GALNTL5: variants seen among roughly 807,000 people sequenced by gnomAD.
GALNTL5 encodes inactive polypeptide N-acetylgalactosaminyltransferase-like protein 5.
A neutral mutation model predicts 51.0 loss-of-function variants in GALNTL5; 44 were observed. The ratio of observed to expected loss-of-function variants is 0.86; its 90% CI spans 0.68 to 1.11. GALNTL5 has a LOEUF of 1.11. Ranked by LOEUF, GALNTL5 falls within the 50% of genes least tolerant of loss-of-function variation. GALNTL5 has a pLI of 0.00. For missense variants in GALNTL5, 528 were observed against 531.8 expected, an observed-to-expected ratio of 0.99 and a Z score of 0.07; for synonymous variants, 192 against 182.8, an observed-to-expected ratio of 1.05 and a Z score of -0.41.
At chr7:151,993,545 T>A (rs1235416622) in intron 5 of GALNTL5, among the ~76,000 whole-genome samples, 2 of 152,220 alleles carry the variant, frequency 1.3e-5, no homozygotes, top group African/African-American at 2.4e-5. Context: ...ATTACTAAAC[T>A]GTATTGTGGT....
intron 3 of GALNTL5, among the ~76,000 whole-genome samples, chr7:151,973,956 A>C (rs1016361530): frequency 6.6e-6 from 1 of 152,194 alleles, no homozygotes; most frequent in Non-Finnish European, 1.5e-5. Context: ...GATGGTTTTT[A>C]AAGTGGAAGT....
chr7:152,004,558 A>G (rs1280929715), intron 6 of GALNTL5, among the ~76,000 whole-genome samples: 2 of 152,136 alleles, frequency 1.3e-5, no homozygotes, highest in Admixed American at 1.3e-4. Flanking sequence ...CACCACTCAA[A>G]CAATGTACAC....
chr7:151,986,625 G>A (rs2081362368), intron 4 of GALNTL5, among the ~76,000 whole-genome samples: 1 of 151,982 alleles, frequency 6.6e-6, no homozygotes, highest in Non-Finnish European at 1.5e-5. Flanking sequence ...ACAGAATGAG[G>A]CCCTGTCTCA....
intron 3 of GALNTL5, among the ~76,000 whole-genome samples, chr7:151,973,346 A>T (rs2081170467): frequency 6.6e-6 from 1 of 151,524 alleles, no homozygotes; most frequent in South Asian, 2.1e-4. Flanking sequence ...GTGCCTATAG[A>T]CCCAGCTACT....
rs2080996393 is a variant in GALNTL5 at position 151,961,950 on chromosome 7, T to C, written c.-39-5258T>C. On this transcript the variant is annotated intron_variant, in intron 1 of 8. Coordinates refer to ENST00000392800, the MANE Select transcript of GALNTL5 (RefSeq NM_145292.4). ...GTTCCTGCCCAGCCCCCAGTTCAAC[T>C]CCCTCTTACAATCACTTTTGACTCT... is the stretch of plus-strand genomic sequence containing the variant. Among the ~76,000 whole-genome samples, 3 of 151,066 alleles carry C rather than the reference T, an allele frequency of 2.0e-5. No homozygotes were observed. The Admixed American group carries it at 2.0e-4, about 10-fold the overall frequency.
intron 6 of GALNTL5, among the ~76,000 whole-genome samples, chr7:152,007,585 A>AT (rs1321341854): frequency 3.3e-5 from 5 of 151,342 alleles, no homozygotes; most frequent in African/African-American, 9.7e-5. Flanking sequence ...TGCCTGGCTA[A>AT]TTTTTTGTAT....
At chr7:152,000,641 T>C (rs1457793395) in intron 5 of GALNTL5, among the ~76,000 whole-genome samples, 1 of 152,224 alleles carries the variant, frequency 6.6e-6, no homozygotes, top group Non-Finnish European at 1.5e-5. Context: ...TACCTCACTG[T>C]GATTTTTATT....
chr7:151,982,843 G>A, intron 3 of GALNTL5, 143 bp from the exon 4 acceptor site: 2 of 1,544,410 alleles, frequency 1.3e-6, no homozygotes, highest in Non-Finnish European at 1.7e-6. Context: ...GTTTTTAGAT[G>A]TACTGTCACC....
At chr7:151,993,390 G>A (rs562483025) in intron 5 of GALNTL5, among the ~76,000 whole-genome samples, 1 of 152,136 alleles carries the variant, frequency 6.6e-6, no homozygotes, top group African/African-American at 2.4e-5. Flanking sequence ...GTGGGAACTT[G>A]CAGAGAACTG....
rs1331177293 is a variant in GALNTL5 at position 152,003,130 on chromosome 7, A to T, written c.908+167A>T. Among the ~76,000 whole-genome samples, 3 of 152,220 alleles carry T rather than the reference A, an allele frequency of 2.0e-5. No homozygotes were observed. In the East Asian group the frequency reaches 5.8e-4, roughly 29 times the overall value. On this transcript the variant is annotated intron_variant, in intron 6 of 8. Transcript: ENST00000392800. ...TAATAGAATTATTGTTAATAGAATCACTTAGGACTCAATATATAACGTGAT... is the reference window on the plus strand; with the variant it reads ...TAATAGAATTATTGTTAATAGAATCTCTTAGGACTCAATATATAACGTGAT...
At chr7:151,987,051 AC>A (rs1186162389) in intron 4 of GALNTL5, 107 bp from the exon 5 acceptor site, 2 of 985,068 alleles carry the variant, frequency 2.0e-6, no homozygotes, top group African/African-American at 3.5e-5. Context: ...TAAAGTTAGA[AC>A]TTCTGTGGAA....
chr7:152,002,638 C>A, intron 5 of GALNTL5, 76 bp from the exon 6 acceptor site: 1 of 1,486,196 alleles, frequency 6.7e-7, no homozygotes, highest in Non-Finnish European at 9.2e-7. Flanking sequence ...AAATATTCAT[C>A]ACATTGAACT....
chr7:152,014,970 T>A (rs1474074511), intron 8 of GALNTL5, among the ~76,000 whole-genome samples, 177 bp downstream of exon 8: 1 of 152,188 alleles, frequency 6.6e-6, no homozygotes, highest in Non-Finnish European at 1.5e-5. Flanking sequence ...AAGTGAGAGC[T>A]AAACATTATA....
In GALNTL5 at chr7:151,993,491, C is replaced by A. The variant is rs565081997; in HGVS notation, c.658+6210C>A. Among the ~76,000 whole-genome samples the A allele has an allele frequency of 2.0e-5, 3 of 152,000 alleles. No homozygotes were observed. In the South Asian group the frequency reaches 6.2e-4, roughly 32 times the overall value. On this transcript the variant is annotated intron_variant, in intron 5 of 8. Transcript: ENST00000392800. ...TTTTTAGGAGTGATTTTGAAAGTTTCCAAACGATTTTCAGAGATTTTAAAA... is the reference window on the plus strand; with the variant it reads ...TTTTTAGGAGTGATTTTGAAAGTTTACAAACGATTTTCAGAGATTTTAAAA...
intron 3 of GALNTL5, among the ~76,000 whole-genome samples, chr7:151,972,393 T>G (rs1035454624): frequency 8.5e-5 from 13 of 152,228 alleles, no homozygotes; most frequent in African/African-American, 3.1e-4. Flanking sequence ...AAAACCCATT[T>G]TCTGGGGAGA....
chr7:152,002,605 C>T (rs2081594279), intron 5 of GALNTL5, 109 bp from the exon 6 acceptor site: 1 of 1,198,210 alleles, frequency 8.3e-7, no homozygotes, highest in East Asian at 2.4e-5. Flanking sequence ...CTGTAAGAGC[C>T]AAACACATAG....
At position 151,997,645 on chromosome 7, in the gene GALNTL5, T is replaced by C. The variant is rs139519899; in HGVS notation, c.659-5069T>C. Among the ~76,000 whole-genome samples, 598 of 152,360 alleles carry C rather than the reference T, an allele frequency of 3.9e-3. 2 individuals are homozygous for C. The highest frequency in any genetic ancestry group is 0.014 in the Middle Eastern group (4 of 294). ...TTAAATTATTTTGCAATTTTTAATA[T>C]TGCATTTATGGTCTTTCTGGGTCAT... On this transcript the variant is annotated intron_variant, in intron 5 of 8. Coordinates refer to ENST00000392800, the MANE Select transcript of GALNTL5 (RefSeq NM_145292.4).
rs749454076 is a variant in GALNTL5, at chr7:151,967,454, G to C, written c.208G>C (p.Val70Leu). The change falls in exon 2 of 9, where the codon GTC becomes CTC. Residue 70 changes from valine (V) to leucine (L), a missense_variant. Transcript: ENST00000392800. ...GCAAATACCAAAACCTCATGTAATA[G>C]TCAAAAGGACTGATGAAGATAAAGC... is the stretch of plus-strand genomic sequence containing the variant. ...SEQIPKPHVI[V>L]KRTDEDKAKS... is the part of the protein sequence containing the mutation. 5.6e-6 allele frequency: 9 copies of C among 1,613,950 alleles called. No homozygotes were observed. The East Asian group carries it at 2.0e-4, about 36-fold the overall frequency.
In GALNTL5 at chr7:151,965,305, T is replaced by C. The variant is rs150710343; in HGVS notation, c.-39-1903T>C. 5.9e-3 allele frequency among the ~76,000 whole-genome samples: 904 copies of C among 152,308 alleles called. 4 individuals are homozygous for C. Among genetic ancestry groups the C allele is most frequent in the African/African-American group, 0.02 (811 of 41,568 alleles). On this transcript the variant is annotated intron_variant, in intron 1 of 8. Transcript: ENST00000392800. Reference sequence around the variant, plus strand: ...CAGACGTGTTAAAATCTCATGTGCATTGATGTTCCCTCTACCGCTCTCTTT... The same window carrying C: ...CAGACGTGTTAAAATCTCATGTGCACTGATGTTCCCTCTACCGCTCTCTTT...
Sources: gnomAD v4.1 joint callset for allele counts (sites outside exome capture counted in the v4.1 genomes callset) on GRCh38, gnomAD v4.1.1 for gene constraint, MANE v1.5 for transcripts, NCBI Gene and HGNC (gene_info 2026-07-23, HGNC 2026-07-21) for gene names.